CAPN2: variants seen among roughly 807,000 people sequenced by gnomAD.
CAPN2 encodes the protein calpain 2, also known as calpain-2 catalytic subunit.
CAPN2 carries 92 observed loss-of-function variants against 102.3 expected under a neutral mutation model. The observed-to-expected ratio is 0.90, with a 90% confidence interval of 0.76 to 1.07. CAPN2 has a LOEUF of 1.07. CAPN2 is among the 50% of genes least tolerant of loss of function. The pLI, the probability that CAPN2 is intolerant of heterozygous loss-of-function variation, is 0.00. For missense variants in CAPN2, 800 were observed against 909.4 expected (o/e 0.88, Z 1.55); for synonymous variants, 340 against 355.4 (o/e 0.96, Z 0.49).
chr1:223,735,213 G>T (rs1179408953), intron 2 of CAPN2, among the ~76,000 whole-genome samples: 1 of 152,100 alleles, frequency 6.6e-6, no homozygotes, highest in Non-Finnish European at 1.5e-5. Flanking sequence ...ACAATCTTAA[G>T]TGGCCAGATC....
At chr1:223,761,642 C>A in intron 13 of CAPN2, 25 bp downstream of exon 13, 2 of 1,597,452 alleles carry the variant, frequency 1.3e-6, no homozygotes, top group South Asian at 1.1e-5. Flanking sequence ...TTGAATTTCA[C>A]CCACTCTGTC....
intron 5 of CAPN2, among the ~76,000 whole-genome samples, chr1:223,747,481 C>T (rs1022350704): frequency 3.9e-5 from 6 of 151,978 alleles, no homozygotes; most frequent in Admixed American, 2.6e-4. Context: ...TGGGGAGGTG[C>T]GGATGATTTT....
chr1:223,730,791 C>G (rs569402259), intron 2 of CAPN2, among the ~76,000 whole-genome samples: 2 of 152,282 alleles, frequency 1.3e-5, no homozygotes, highest in East Asian at 3.9e-4. Context: ...TAAGGGGGCA[C>G]CCATTCAGTT....
In CAPN2 at chr1:223,757,319, T is replaced by C. The variant is rs772704660; in HGVS notation, c.1306-50T>C. 18 of 1,611,016 alleles carry C rather than the reference T, an allele frequency of 1.1e-5. 1 individual carries two copies. In the South Asian group the frequency reaches 2.0e-4, roughly 18 times the overall value. On this transcript the variant is annotated intron_variant, in intron 10 of 20. Transcript: ENST00000295006. ...GAAGAGAAGAGCACAGTGATGCATT[T>C]TCTTACACTGCTTTTCCGGCATCTG...
In CAPN2 at chr1:223,759,330, G is replaced by A; in HGVS notation, c.1378G>A (p.Glu460Lys). 1 of 1,614,114 alleles carries A rather than the reference G, an allele frequency of 6.2e-7. No homozygotes were observed. The highest frequency in any genetic ancestry group is 8.5e-7 in the Non-Finnish European group (1 of 1,180,040). Reference sequence around the variant, plus strand: ...CTTCTTCCTGACGAATCGCGCCAGGGAGCGCTCAGACACCTTCATCAACCT... The same window carrying A: ...CTTCTTCCTGACGAATCGCGCCAGGAAGCGCTCAGACACCTTCATCAACCT... ...KNFFLTNRARERSDTFINLRE... is the reference protein window; with the variant it reads ...KNFFLTNRARKRSDTFINLRE... Residue 460 changes from glutamate (E) to lysine (K), a missense_variant, in exon 12 of 21, where the codon GAG becomes AAG. By Grantham distance (56) the Glu-to-Lys change is moderately conservative (BLOSUM62 1). Transcript: ENST00000295006. The surrounding 1 kb of genome is among the most constrained non-coding windows in gnomAD (Gnocchi z 4.6).
chr1:223,751,883 T>C, intron 7 of CAPN2, 114 bp from the exon 8 acceptor site: 1 of 701,496 alleles, frequency 1.4e-6, no homozygotes, highest in Admixed American at 2.4e-5. Context: ...ACTTTCCCCC[T>C]TTCTGGAGCC....
intron 20 of CAPN2, 88 bp downstream of exon 20, chr1:223,772,327 AGTTT>A: frequency 8.3e-7 from 1 of 1,211,116 alleles, no homozygotes; most frequent in Admixed American, 1.7e-5. Flanking sequence ...TGCTTTTTCA[AGTTT>A]TGCTTTAAAG....
At chr1:223,744,815 G>T (rs1210838961) in intron 3 of CAPN2, among the ~76,000 whole-genome samples, 2 of 152,040 alleles carry the variant, frequency 1.3e-5, no homozygotes, top group African/African-American at 4.8e-5. Flanking sequence ...GCCAAGGTGG[G>T]TGGATCACTT....
In CAPN2 at chr1:223,717,751, C is replaced by G; in HGVS notation, c.238-11C>G. 6.2e-7 allele frequency: 1 copy of G among 1,613,342 alleles called. No individual in the cohort carries two copies. Among genetic ancestry groups the G allele is most frequent in the Non-Finnish European group, 8.5e-7 (1 of 1,179,308 alleles). On this transcript the variant is annotated splice_polypyrimidine_tract_variant and intron_variant, in intron 1 of 20. Transcript: ENST00000295006. ...GGTAGGCTAACAGCACTTTGTGGGT[C>G]TCGTTCCCAGGAGATCTGCGCTGAC... is the stretch of plus-strand genomic sequence containing the variant.
Position 223,759,183 on chromosome 1 carries a change from C to A in CAPN2, c.1318-87C>A. 3 of 1,283,294 alleles carry A rather than the reference C, an allele frequency of 2.3e-6. No homozygotes were observed. The highest frequency in any genetic ancestry group is 3.4e-6 in the Non-Finnish European group (3 of 889,862). 79.5% of individuals were successfully genotyped at this position (1,283,294 alleles called of 1,614,324 possible). A position where few individuals can be genotyped will look rare whatever the true frequency, so the allele number is the denominator to read the frequency against. ...AGCAGGACTGAGCCACCACACTACC[C>A]AACTGCTTTTATCTCAGTGAATGAA... On this transcript the variant is annotated intron_variant, in intron 11 of 20. Transcript: ENST00000295006. The surrounding 1 kb of genome is among the most constrained non-coding windows in gnomAD (Gnocchi z 4.6).
upstream of CAPN2, among the ~76,000 whole-genome samples, chr1:223,707,645 G>C (rs1558376965): frequency 6.6e-6 from 1 of 152,236 alleles, no homozygotes; most frequent in Non-Finnish European, 1.5e-5. Context: ...AAAGCCCTTT[G>C]TAAGCAGAGC....
chr1:223,718,696 C>G (rs912728411), intron 2 of CAPN2, among the ~76,000 whole-genome samples: 1 of 152,220 alleles, frequency 6.6e-6, no homozygotes, highest in Non-Finnish European at 1.5e-5. Flanking sequence ...GCTCCCCAGA[C>G]AAGTTCATCA....
chr1:223,772,124 T>C, intron 19 of CAPN2, 57 bp from the exon 20 acceptor site: 3 of 1,501,310 alleles, frequency 2.0e-6, no homozygotes, highest in Non-Finnish European at 2.8e-6. Flanking sequence ...GAAAAGAGGA[T>C]AATGTGATCT....
In CAPN2 at chr1:223,752,931, C is replaced by T. The variant is rs377763395; in HGVS notation, c.1110C>T (p.Thr370=). Residue 370 remains threonine (T), a synonymous_variant, in exon 9 of 21, where the codon ACC becomes ACT. Transcript: ENST00000295006. The part of the protein sequence containing the change: ...KMDGNWRRGS[T]AGGCRNYPNT... ...ATGGGAACTGGAGGCGGGGCTCCAC[C>T]GCGGGAGGTTGCAGGAACTACCCGA... 1.7e-5 allele frequency: 27 copies of T among 1,614,004 alleles called. No homozygotes were observed. The highest frequency in any genetic ancestry group is 2.2e-5 in the East Asian group (1 of 44,882).
rs1371094557 is a variant in CAPN2, at chr1:223,755,251, C to T, written c.1136-229C>T. ...GCCTCCCACCGCCTCTTGCCAACTC[C>T]CACCATCTCCCGCCATTTTCTGACA... On this transcript the variant is annotated intron_variant, in intron 9 of 20. Coordinates refer to ENST00000295006, the MANE Select transcript of CAPN2 (RefSeq NM_001748.5). This position sits in a 1 kb window ranked among gnomAD's most constrained non-coding sequence, Gnocchi z 4.1. Among the ~76,000 whole-genome samples, 3 of 151,818 alleles carry T rather than the reference C, an allele frequency of 2.0e-5. No homozygotes were observed. The highest frequency in any genetic ancestry group is 4.4e-5 in the Non-Finnish European group (3 of 68,002).
intron 12 of CAPN2, among the ~76,000 whole-genome samples, chr1:223,761,009 C>T (rs1342068718): frequency 6.6e-6 from 1 of 152,196 alleles, no homozygotes; most frequent in Admixed American, 6.5e-5. Flanking sequence ...ACAGTATAAA[C>T]TAACCACTGC....
In CAPN2 at chr1:223,755,426, A is replaced by G. The variant is rs1250025678; in HGVS notation, c.1136-54A>G. The G allele has an allele frequency of 1.3e-6, 2 of 1,592,712 alleles. No homozygotes were observed. The highest frequency in any genetic ancestry group is 8.6e-7 in the Non-Finnish European group (1 of 1,165,478). The stretch of plus-strand genomic sequence containing the variant: ...AAGCCTGAGACCAGGGCCACCCCCC[A>G]CCCCCATGCATTCCTGCTCAGGGCT... On this transcript the variant is annotated intron_variant, in intron 9 of 20. Coordinates refer to ENST00000295006, the MANE Select transcript of CAPN2 (RefSeq NM_001748.5). The surrounding 1 kb of genome is among the most constrained non-coding windows in gnomAD (Gnocchi z 4.1).
intron 1 of CAPN2, among the ~76,000 whole-genome samples, chr1:223,713,416 C>T (rs1157531645): frequency 6.6e-6 from 1 of 152,122 alleles, no homozygotes; most frequent in Non-Finnish European, 1.5e-5. Flanking sequence ...GGGGAGCCAG[C>T]GATACCTCCT....
intron 18 of CAPN2, 77 bp downstream of exon 18, chr1:223,770,602 T>C (rs970217008): frequency 5.3e-6 from 5 of 938,262 alleles, no homozygotes; most frequent in African/African-American, 3.3e-5. Flanking sequence ...TTATACCATA[T>C]AACACAAGAT....
Sources: allele counts gnomAD v4.1 joint callset (sites outside exome capture counted in the v4.1 genomes callset), GRCh38; gene constraint gnomAD v4.1.1; non-coding constraint Gnocchi (gnomAD v3.1); transcripts MANE v1.5; gene names NCBI Gene and HGNC (gene_info 2026-07-23, HGNC 2026-07-21).